Variants in KEAP1 observed in about 807,000 individuals in gnomAD.
The protein encoded by KEAP1 is kelch like ECH associated protein 1.
Under a neutral mutation model 59.7 loss-of-function variants are expected in KEAP1, and 26 were observed. The observed-to-expected ratio is 0.44, with a 90% CI of 0.32 to 0.60. The LOEUF is 0.60. Ranked by LOEUF, KEAP1 falls within the 20% of genes least tolerant of loss-of-function variation. The pLI is 0.06. For missense variants in KEAP1, 539 were observed against 871.4 expected (o/e 0.62, Z 4.80); for synonymous variants, 350 against 358.3 (o/e 0.98, Z 0.26).
At position 10,491,993 on chromosome 19, in the gene KEAP1, C is replaced by T. The variant is rs745505021; in HGVS notation, c.909G>A (p.Lys303=). ...TGTGCAGGGTGAGCTCCTCGAAGAT[C>T]TTGACCAGGTAGTCCTTGCAGCGGG... The part of the protein sequence containing the change: ...SDSRCKDYLV[K]IFEELTLHKP... The change falls in exon 3 of 6, where the codon AAG becomes AAA. Residue 303 remains lysine, a synonymous_variant. Transcript: ENST00000171111. This position sits in a 1 kb window ranked among gnomAD's most constrained non-coding sequence, Gnocchi z 5.2. The T allele has an allele frequency of 2.5e-6, 4 of 1,614,094 alleles. No homozygotes were observed. The South Asian group carries it at 3.3e-5, about 13-fold the overall frequency.
chr19:10,493,731 T>G (rs117884882), intron 2 of KEAP1, among the ~76,000 whole-genome samples: 31 of 151,470 alleles, frequency 2.0e-4, no homozygotes, highest in Non-Finnish European at 3.8e-4. Context: ...CTGGCTAATA[T>G]TTTTTGTATT....
At chr19:10,489,098 A>AC in intron 5 of KEAP1, 94 bp downstream of exon 5, 1 of 558,396 alleles carries the variant, frequency 1.8e-6, no homozygotes, top group African/African-American at 2.5e-5. Flanking sequence ...TGTTTCTAAA[A>AC]AAAAAAAAAA....
chr19:10,497,109 G>A (rs1914876814), intron 2 of KEAP1, among the ~76,000 whole-genome samples: 2 of 149,736 alleles, frequency 1.3e-5, no homozygotes, highest in Admixed American at 1.3e-4. Flanking sequence ...GGGTGACAGA[G>A]TGAGACTCCG....
intron 4 of KEAP1, 30 bp from the exon 5 acceptor site, chr19:10,489,398 C>T (rs2144588071): frequency 6.3e-7 from 1 of 1,591,526 alleles, no homozygotes; most frequent in South Asian, 1.1e-5. Context: ...GAAGGTGACT[C>T]TGGGGGTCTG....
At chr19:10,490,455 C>T (rs890184945) in intron 3 of KEAP1, 2 of 150,190 alleles carry the variant, frequency 1.3e-5, no homozygotes, top group African/African-American at 4.9e-5. Context: ...GCTGGGATAA[C>T]AGGCACCCAC....
rs1055875990 is a variant in KEAP1 at position 10,489,539 on chromosome 19, C to A, written c.1531+109G>T. The stretch of plus-strand genomic sequence containing the variant: ...TCAGAATCCAGGGCTTCTGTGGTTA[C>A]CCCAGCATGAGGGTTGCAACAGGGG... On this transcript the variant is annotated intron_variant, in intron 4 of 5. Transcript: ENST00000171111. The A allele has an allele frequency of 6.7e-6, 9 of 1,347,044 alleles. No individual in the cohort carries two copies. In the African/African-American group the frequency reaches 1.2e-4, roughly 17 times the overall value. 83.4% of individuals were successfully genotyped at this position (1,347,044 alleles called of 1,614,324 possible).
chr19:10,491,735 G>C lies in KEAP1; in HGVS notation c.1167C>G (p.Asp389Glu), dbSNP rs1464254910. The C allele has an allele frequency of 6.4e-7, 1 of 1,568,660 alleles. No homozygotes were observed. The highest frequency in any genetic ancestry group is 1.4e-5 in the African/African-American group (1 of 73,874). ...GRNNSPDGNT[D>E]SSALDCYNPM... is the part of the protein sequence containing the mutation. ...GGTTGTAACAGTCCAGGGCGCTGGA[G>C]TCGGTGTTGCCGTCGGGCGAGTTGT... Residue 389 changes from aspartate (D) to glutamate (E), a missense_variant, in exon 3 of 6, where the codon GAC becomes GAG. This residue lies in a region of KEAP1 where 311 missense variants were observed against 425.2 expected (regional missense o/e 0.73). Transcript: ENST00000171111. This position sits in a 1 kb window ranked among gnomAD's most constrained non-coding sequence, Gnocchi z 5.2.
chr19:10,499,292 C>T lies in KEAP1; in HGVS notation c.639+103G>A. The T allele has an allele frequency of 2.7e-6, 3 of 1,118,704 alleles. No homozygotes were observed. Among genetic ancestry groups the T allele is most frequent in the Admixed American group, 2.3e-5 (1 of 42,786 alleles). The allele number at this position is 1,118,704 out of a possible 1,614,324, so 69.3% of individuals were successfully genotyped here. Reference sequence around the variant, plus strand: ...ATACCCAGCCCAGAACCTCCTTTTTCTCCAGTTTCCTGCCTTGACATCTCA... The same window carrying T: ...ATACCCAGCCCAGAACCTCCTTTTTTTCCAGTTTCCTGCCTTGACATCTCA... On this transcript the variant is annotated intron_variant, in intron 2 of 5. Transcript: ENST00000171111. The surrounding 1 kb of genome is among the most constrained non-coding windows in gnomAD (Gnocchi z 6.7).
chr19:10,496,140 G>C (rs183966059), intron 2 of KEAP1, among the ~76,000 whole-genome samples: 1 of 148,110 alleles, frequency 6.8e-6, no homozygotes, highest in East Asian at 2.0e-4. Context: ...GATAAGCAGA[G>C]ATCGTGCCAC....
At position 10,502,045 on chromosome 19, in the gene KEAP1, C is replaced by A. The variant is rs959805950; in HGVS notation, c.-48+1196G>T. On this transcript the variant is annotated intron_variant, in intron 1 of 5. Coordinates refer to ENST00000171111, the MANE Select transcript of KEAP1 (RefSeq NM_203500.2). This position sits in a 1 kb window ranked among gnomAD's most constrained non-coding sequence, Gnocchi z 4.0. Reference sequence around the variant, plus strand: ...GACTGTCTCTCGTCCCCGGCCCCAGCGCCTCAAATGGCAGGGAGACCTATG... The same window carrying A: ...GACTGTCTCTCGTCCCCGGCCCCAGAGCCTCAAATGGCAGGGAGACCTATG... Among the ~76,000 whole-genome samples the A allele has an allele frequency of 4.6e-5, 7 of 152,204 alleles. No individual in the cohort carries two copies. The highest frequency in any genetic ancestry group is 1.4e-4 in the African/African-American group (6 of 41,460).
rs758661270 is a variant in KEAP1, at chr19:10,486,663, A to T, written c.1864T>A (p.Cys622Ser). ...PCRKQIDQQN[C>S]TC ...GAAACAAAAGTGCCTCAACAGGTACAGTTCTGCTGGTCAATCTGCTTCCGG... is the reference window on the plus strand; with the variant it reads ...GAAACAAAAGTGCCTCAACAGGTACTGTTCTGCTGGTCAATCTGCTTCCGG... Residue 622 changes from cysteine to serine, a missense_variant, in exon 6 of 6, where the codon TGT becomes AGT. Coordinates refer to ENST00000171111, the MANE Select transcript of KEAP1 (RefSeq NM_203500.2). 1.4e-5 allele frequency: 22 copies of T among 1,613,932 alleles called. No individual in the cohort carries two copies. The highest frequency in any genetic ancestry group is 1.8e-5 in the Non-Finnish European group (21 of 1,179,974).
chr19:10,496,064 C>A (rs1914835712), intron 2 of KEAP1, among the ~76,000 whole-genome samples: 1 of 151,980 alleles, frequency 6.6e-6, no homozygotes, highest in South Asian at 2.1e-4. Context: ...TAGCTCACGC[C>A]TGTAGTCTCA....
intron 5 of KEAP1, among the ~76,000 whole-genome samples, chr19:10,487,894 C>T (rs1454187962): frequency 1.3e-5 from 2 of 151,452 alleles, no homozygotes; most frequent in Non-Finnish European, 2.9e-5. Flanking sequence ...TCTGGGAGGC[C>T]GAGGCGGGCA....
rs1914793713 is a variant in KEAP1, at chr19:10,494,700, G to A, written c.640-2438C>T. Among the ~76,000 whole-genome samples the A allele has an allele frequency of 3.4e-5, 5 of 148,144 alleles. No individual in the cohort carries two copies. In the Admixed American group the frequency reaches 3.4e-4, roughly 10 times the overall value. Reference sequence around the variant, plus strand: ...AGATGGAGTCTCGCTCTGTCGCCCAGGCTGGAGTGCAGTGGCACGATCTTG... The same window carrying A: ...AGATGGAGTCTCGCTCTGTCGCCCAAGCTGGAGTGCAGTGGCACGATCTTG... On this transcript the variant is annotated intron_variant, in intron 2 of 5. Transcript: ENST00000171111.
intron 5 of KEAP1, among the ~76,000 whole-genome samples, chr19:10,488,661 G>A (rs541872808): frequency 5.7e-4 from 87 of 151,796 alleles, no homozygotes; most frequent in Middle Eastern, 6.8e-3. Flanking sequence ...GGCCGGGCGC[G>A]GTGGCTCATG....
intron 2 of KEAP1, among the ~76,000 whole-genome samples, chr19:10,496,188 C>T (rs1299852459): frequency 8.4e-6 from 1 of 118,394 alleles, no homozygotes; most frequent in South Asian, 3.2e-4. Context: ...GACCCTGTCT[C>T]TAAAAAAAGA....
At position 10,499,767 on chromosome 19, in the gene KEAP1, C is replaced by A. The variant is rs368450352; in HGVS notation, c.267G>T (p.Pro89=). 1 of 1,614,086 alleles carries A rather than the reference C, an allele frequency of 6.2e-7. No homozygotes were observed. Among genetic ancestry groups the A allele is most frequent in the South Asian group, 1.1e-5 (1 of 91,080 alleles). ...VTLQVKYQDA[P]AAQFMAHKVV... ...CCTTGTGGGCCATGAACTGGGCGGC[C>A]GGTGCATCCTGGTACTTGACCTGCA... is the stretch of plus-strand genomic sequence containing the variant. The change falls in exon 2 of 6, where the codon CCG becomes CCT. Residue 89 remains proline, a synonymous_variant. Coordinates refer to ENST00000171111, the MANE Select transcript of KEAP1 (RefSeq NM_203500.2). The surrounding 1 kb of genome is among the most constrained non-coding windows in gnomAD (Gnocchi z 6.7).
At chr19:10,492,339 CTT>C in intron 2 of KEAP1, 77 bp from the exon 3 acceptor site, 1 of 1,053,898 alleles carries the variant, frequency 9.5e-7, no homozygotes, top group South Asian at 1.5e-5. Flanking sequence ...GGACAAGTAA[CTT>C]ATCACTGCCG....
chr19:10,499,253 G>A lies in KEAP1; in HGVS notation c.639+142C>T. Reference sequence around the variant, plus strand: ...CCCCGCCTCAGCCCCTCAAACTGTGGAGACTACACCACCATACCCAGCCCA... The same window carrying A: ...CCCCGCCTCAGCCCCTCAAACTGTGAAGACTACACCACCATACCCAGCCCA... On this transcript the variant is annotated intron_variant, in intron 2 of 5. Transcript: ENST00000171111. The surrounding 1 kb of genome is among the most constrained non-coding windows in gnomAD (Gnocchi z 6.7). 1 of 765,660 alleles carries A rather than the reference G, an allele frequency of 1.3e-6. No homozygotes were observed. The highest frequency in any genetic ancestry group is 2.1e-6 in the Non-Finnish European group (1 of 485,726). 47.4% of individuals were successfully genotyped at this position (765,660 alleles called of 1,614,324 possible). A position where few individuals can be genotyped will look rare whatever the true frequency, so the allele number is the denominator to read the frequency against.
Sources: allele counts gnomAD v4.1 joint callset (sites outside exome capture counted in the v4.1 genomes callset), GRCh38; gene constraint gnomAD v4.1.1; regional missense constraint gnomAD v4.1.1; non-coding constraint Gnocchi (gnomAD v3.1); transcripts MANE v1.5; gene names NCBI Gene and HGNC (gene_info 2026-07-23, HGNC 2026-07-21).